Variants in COL16A1 observed in about 807,000 individuals in gnomAD.
COL16A1 encodes collagen alpha-1(XVI) chain.
In COL16A1, 189 loss-of-function variants were observed where a neutral mutation model predicts 266.3. The ratio of observed to expected loss-of-function variants is 0.71; its 90% CI spans 0.63 to 0.80. COL16A1 has a LOEUF of 0.80. Ranked by LOEUF, COL16A1 falls within the 30% of genes least tolerant of loss-of-function variation. The probability of loss-of-function intolerance (pLI) is 0.00; values close to 1 mark genes in which losing one functional copy is unlikely to be tolerated. For synonymous variants in COL16A1, 740 were observed against 782.3 expected, an observed-to-expected ratio of 0.95 and a Z score of 0.90; for missense variants, 1,928 against 2,122.4, an observed-to-expected ratio of 0.91 and a Z score of 1.80.
At chr1:31,699,152 A>G (rs915187199) in intron 4 of COL16A1, among the ~76,000 whole-genome samples, 9 of 152,176 alleles carry the variant, frequency 5.9e-5, no homozygotes, top group Admixed American at 1.3e-4. Flanking sequence ...CCACATACAC[A>G]GTGGTGAAAA....
intron 56 of COL16A1, 26 bp from the exon 57 acceptor site, chr1:31,662,684 C>CG: frequency 1.9e-6 from 2 of 1,050,162 alleles, no homozygotes; most frequent in Non-Finnish European, 2.7e-6. Flanking sequence ...GCCCCCCCCC[C>CG]CCGCCCCACA....
In COL16A1 at chr1:31,684,605, G is replaced by C; in HGVS notation, c.2078C>G (p.Pro693Arg). The C allele has an allele frequency of 6.2e-7, 1 of 1,613,854 alleles. No individual in the cohort carries two copies. The highest frequency in any genetic ancestry group is 8.5e-7 in the Non-Finnish European group (1 of 1,179,952). ...CCGCCCTGTGGTGCCCGGCGTTCCA[G>C]GGTCTCCAGGATTCCCAGCATCACC... Reference protein sequence around the residue: ...QKGDAGNPGDPGTPGTTGRPG... With the variant: ...QKGDAGNPGDRGTPGTTGRPG... The change falls in exon 31 of 71, where the codon CCT becomes CGT. Residue 693 changes from proline to arginine, a missense_variant. Physicochemically the swap from Pro to Arg is moderately radical, Grantham distance 103. Around this residue, in one of 2 missense-constraint regions of COL16A1, gnomAD observed 1,552 missense variants for 1,637.2 expected, o/e 0.95. Coordinates refer to ENST00000373672, the MANE Select transcript of COL16A1 (RefSeq NM_001856.4).
At chr1:31,675,641 T>C (rs1268913164) in intron 42 of COL16A1, among the ~76,000 whole-genome samples, 2 of 152,174 alleles carry the variant, frequency 1.3e-5, no homozygotes, top group Admixed American at 1.3e-4. Flanking sequence ...TTTTCTCTCT[T>C]TCTTTTTCCT....
In COL16A1 at chr1:31,697,898, G is replaced by GC. The variant is rs748897810; in HGVS notation, c.657+7dup. 15 of 1,606,232 alleles carry GC rather than the reference G, an allele frequency of 9.3e-6. No homozygotes were observed. The highest frequency in any genetic ancestry group is 1.3e-5 in the Non-Finnish European group (15 of 1,176,098). On this transcript the variant is annotated splice_region_variant and intron_variant, in intron 6 of 70. Coordinates refer to ENST00000373672, the MANE Select transcript of COL16A1 (RefSeq NM_001856.4). The surrounding 1 kb of genome is among the most constrained non-coding windows in gnomAD (Gnocchi z 4.2). ...GGAACAGAGGTCAGGGCCTGACCTA[G>GC]CACTCACCGAGACAGGCTTGCCCTG...
rs141387034 is a variant in COL16A1, at chr1:31,665,275, G to C, written c.3493-41C>G. The stretch of plus-strand genomic sequence containing the variant: ...GGCAGGCAGGAATGAAAGTGGGGCT[G>C]GAGGGGGAGCTCCCCTTCTTTATTC... On this transcript the variant is annotated intron_variant, in intron 55 of 70. Coordinates refer to ENST00000373672, the MANE Select transcript of COL16A1 (RefSeq NM_001856.4). 13,702 of 1,577,420 alleles carry C rather than the reference G, an allele frequency of 8.7e-3. 75 individuals are homozygous for C. The highest frequency in any genetic ancestry group is 0.015 in the Middle Eastern group (89 of 5,790).
chr1:31,665,118 A>C, intron 56 of COL16A1, 54 bp downstream of exon 56: 1 of 1,591,398 alleles, frequency 6.3e-7, no homozygotes. Flanking sequence ...GGACAGGGGC[A>C]TGGGAGCTGC....
At chr1:31,666,007 C>G (rs1405504504) in intron 53 of COL16A1, 30 bp downstream of exon 53, 1 of 1,614,128 alleles carries the variant, frequency 6.2e-7, no homozygotes, top group Non-Finnish European at 8.5e-7. Context: ...AAGACCAGGA[C>G]CACATCTCCC....
intron 17 of COL16A1, 25 bp downstream of exon 17, chr1:31,691,980 G>C: frequency 6.2e-7 from 1 of 1,613,588 alleles, no homozygotes; most frequent in Non-Finnish European, 8.5e-7. Context: ...GTGGGTTGTG[G>C]TGGGGAAGGG....
Position 31,661,678 on chromosome 1 carries a change from AG to A in COL16A1, c.3707del (p.Pro1236LeufsTer77), listed in dbSNP as rs769033024. ...AACTTACCGGTGGTCCCATGAGTCCAGGGGGGCCAGCAGGACCAGGGTCCCC... is the reference window on the plus strand; with the variant it reads ...AACTTACCGGTGGTCCCATGAGTCCAGGGGGCCAGCAGGACCAGGGTCCCC... ...LRGDPGPAGPPGLMGPPGFKG... is the reference protein window; with the variant it reads ...LRGDPGPAGPXGLMGPPGFKG... On this transcript the variant is annotated frameshift_variant, in exon 59 of 71. Coordinates refer to ENST00000373672, the MANE Select transcript of COL16A1 (RefSeq NM_001856.4). LOFTEE classifies it high-confidence loss of function. The A allele has an allele frequency of 5.6e-6, 9 of 1,605,930 alleles. No individual in the cohort carries two copies. The highest frequency in any genetic ancestry group is 5.3e-5 in the Admixed American group (3 of 57,068).
intron 42 of COL16A1, among the ~76,000 whole-genome samples, chr1:31,677,460 T>G (rs1445465812): frequency 6.6e-6 from 1 of 152,242 alleles, no homozygotes; most frequent in Non-Finnish European, 1.5e-5. Context: ...AGTGTGATAG[T>G]TCAAGCCTGA....
At chr1:31,690,346 G>A (rs1644203985) in intron 22 of COL16A1, 21 bp downstream of exon 22, 1 of 1,613,412 alleles carries the variant, frequency 6.2e-7, no homozygotes. Flanking sequence ...CCCGATCTGG[G>A]CAGCCAGGCC....
intron 2 of COL16A1, chr1:31,701,313 A>G: frequency 1.0e-6 from 1 of 985,310 alleles, no homozygotes; most frequent in Non-Finnish European, 1.2e-6. Context: ...AGTGAGGGAG[A>G]GGAGAGCAAA....
rs778313768 is a variant in COL16A1 at position 31,685,801 on chromosome 1, C to A, written c.1885-31G>T. 3.9e-5 allele frequency: 62 copies of A among 1,610,004 alleles called. No homozygotes were observed. The highest frequency in any genetic ancestry group is 4.4e-5 in the Non-Finnish European group (52 of 1,177,370). On this transcript the variant is annotated intron_variant, in intron 28 of 70. Coordinates refer to ENST00000373672, the MANE Select transcript of COL16A1 (RefSeq NM_001856.4). The surrounding 1 kb of genome is among the most constrained non-coding windows in gnomAD (Gnocchi z 4.0). ...AAGCAAGGACATTGAGTTAGGGGGT[C>A]CCCCAGGCCCTAGTGCACTTGAGCG...
chr1:31,679,566 C>T (rs773221115), intron 42 of COL16A1, 66 bp downstream of exon 42: 150 of 1,613,932 alleles, frequency 9.3e-5, no homozygotes, highest in Middle Eastern at 1.6e-4. Context: ...GGGGTCCAGC[C>T]GGGAGCAGCC....
intron 11 of COL16A1, 78 bp from the exon 12 acceptor site, chr1:31,694,248 G>C: frequency 1.6e-6 from 2 of 1,276,384 alleles, no homozygotes; most frequent in South Asian, 2.8e-5. Flanking sequence ...AAGCAATTTA[G>C]ACAGGGTCAC....
rs1246694764 is a variant in COL16A1 at position 31,691,219 on chromosome 1, G to T, written c.1406C>A (p.Pro469Gln). Residue 469 changes from proline to glutamine, a missense_variant, in exon 20 of 71, where the codon CCA becomes CAA. Transcript: ENST00000373672. ...GIGLPGTPGDPGGPPGPKGDK... is the reference protein window; with the variant it reads ...GIGLPGTPGDQGGPPGPKGDK... ...TCCCTTGGGGCCTGGTGGGCCACCT[G>T]GATCCCCCTGAGGGCAGAAACAGAG... 1 of 1,613,888 alleles carries T rather than the reference G, an allele frequency of 6.2e-7. No homozygotes were observed. Among genetic ancestry groups the T allele is most frequent in the African/African-American group, 1.3e-5 (1 of 74,930 alleles).
chr1:31,653,054 G>A (rs1378861681), intron 70 of COL16A1, among the ~76,000 whole-genome samples: 1 of 152,226 alleles, frequency 6.6e-6, no homozygotes, highest in African/African-American at 2.4e-5. Context: ...ACTTCCATGT[G>A]CCAGGCACAG....
At chr1:31,689,384 G>A (rs1644149607) in intron 23 of COL16A1, 3 of 582,296 alleles carry the variant, frequency 5.2e-6, no homozygotes, top group Admixed American at 3.1e-5. Context: ...CTGTGAGAGA[G>A]GGGGCTAACC....
rs1367736726 is a variant in COL16A1, at chr1:31,698,640, C to T, written c.267-34G>A. Reference sequence around the variant, plus strand: ...GGAGCAGGGAGGGTGCCCTGAGGCTCCAATGAGGACCCAAATGCTGCCCAC... The same window carrying T: ...GGAGCAGGGAGGGTGCCCTGAGGCTTCAATGAGGACCCAAATGCTGCCCAC... On this transcript the variant is annotated intron_variant, in intron 4 of 70. Coordinates refer to ENST00000373672, the MANE Select transcript of COL16A1 (RefSeq NM_001856.4). This position sits in a 1 kb window ranked among gnomAD's most constrained non-coding sequence, Gnocchi z 4.1. 2.5e-6 allele frequency: 4 copies of T among 1,609,520 alleles called. No homozygotes were observed. In the Admixed American group the frequency reaches 5.0e-5, roughly 20 times the overall value.
Sources: gnomAD v4.1 joint callset for allele counts (sites outside exome capture counted in the v4.1 genomes callset) on GRCh38, gnomAD v4.1.1 for gene constraint, gnomAD v4.1.1 regional missense constraint, Gnocchi (gnomAD v3.1) non-coding constraint, MANE v1.5 for transcripts, NCBI Gene and HGNC (gene_info 2026-07-23, HGNC 2026-07-21) for gene names.